KLKB1: variants seen among roughly 807,000 people sequenced by gnomAD.
The protein encoded by KLKB1 is plasma kallikrein.
In KLKB1, 58 loss-of-function variants were observed where a neutral mutation model predicts 73.6. The observed-to-expected ratio is 0.79, with a 90% CI of 0.64 to 0.98. The LOEUF is 0.98. Ranked by LOEUF, KLKB1 falls within the 50% of genes least tolerant of loss-of-function variation. The pLI, the probability that KLKB1 is intolerant of heterozygous loss-of-function variation, is 0.00. For missense variants in KLKB1, 737 were observed against 763.8 expected (o/e 0.96, Z 0.41); for synonymous variants, 280 against 258.1 (o/e 1.08, Z -0.81).
At chr4:186,241,078 G>A (rs1738019803) in intron 6 of KLKB1, among the ~76,000 whole-genome samples, 1 of 152,120 alleles carries the variant, frequency 6.6e-6, no homozygotes, top group African/African-American at 2.4e-5. Flanking sequence ...AAATATGGCT[G>A]TTTCAGGTGG....
At chr4:186,215,163 A>G (rs1453263136) in intron 2 of KLKB1, among the ~76,000 whole-genome samples, 1 of 152,026 alleles carries the variant, frequency 6.6e-6, no homozygotes, top group Non-Finnish European at 1.5e-5. Flanking sequence ...ATATTTAGAC[A>G]TGACTGTCTT....
At position 186,258,286 on chromosome 4, in the gene KLKB1, T is replaced by G; in HGVS notation, c.*74T>G. On this transcript the variant is annotated 3_prime_UTR_variant, in exon 15 of 15. Transcript: ENST00000264690. The stretch of plus-strand genomic sequence containing the variant: ...ATTCTGAGCCTGGGGGGTCCTCATC[T>G]GCAAAGCATGGAGAGTGGCATCTTC... 8.1e-7 allele frequency: 1 copy of G among 1,237,924 alleles called. No homozygotes were observed. Among genetic ancestry groups the G allele is most frequent in the South Asian group, 1.3e-5 (1 of 78,622 alleles). 76.7% of individuals were successfully genotyped at this position (1,237,924 alleles called of 1,614,324 possible). A position where few individuals can be genotyped will look rare whatever the true frequency, so the allele number is the denominator to read the frequency against.
At chr4:186,238,104 G>A in intron 5 of KLKB1, 152 bp from the exon 6 acceptor site, 2 of 670,752 alleles carry the variant, frequency 3.0e-6, no homozygotes, top group South Asian at 3.2e-5. Flanking sequence ...CGAGGGGAAG[G>A]ATGTCCATTA....
At chr4:186,231,173 A>T (rs4241816) in intron 2 of KLKB1, among the ~76,000 whole-genome samples, 85,217 of 151,950 alleles carry the variant, frequency 0.56, 24,265 homozygotes, top group East Asian at 0.68. Context: ...GCAATAAAAA[A>T]TAGGTACTAT....
chr4:186,218,217 C>G (rs115225245), intron 2 of KLKB1, among the ~76,000 whole-genome samples: 112 of 152,350 alleles, frequency 7.4e-4, no homozygotes, highest in African/African-American at 2.7e-3. Context: ...CCAGTCCCTT[C>G]CAAATCTAAG....
At chr4:186,240,373 T>C (rs1737964031) in intron 6 of KLKB1, among the ~76,000 whole-genome samples, 1 of 152,068 alleles carries the variant, frequency 6.6e-6, no homozygotes, top group Non-Finnish European at 1.5e-5. Context: ...GACAGTGATA[T>C]TGTTATAGTT....
chr4:186,233,925 TC>T (rs1260196562), intron 3 of KLKB1, 26 bp from the exon 4 acceptor site: 1 of 1,485,044 alleles, frequency 6.7e-7, no homozygotes, highest in African/African-American at 1.4e-5. Context: ...TTATTCTACT[TC>T]CTAAGTAAAG....
rs200357845 is a variant in KLKB1 at position 186,252,647 on chromosome 4, G to GCCACCAATCCCA, written c.1313+480_1313+491dup. Among the ~76,000 whole-genome samples the GCCACCAATCCCA allele has an allele frequency of 2.7e-3, 24 of 8,980 alleles. 2 individuals carry two copies. Among genetic ancestry groups the GCCACCAATCCCA allele is most frequent in the African/African-American group, 4.6e-3 (12 of 2,612 alleles). 5.9% of individuals were successfully genotyped at this position (8,980 alleles called of 152,430 possible). A position where few individuals can be genotyped will look rare whatever the true frequency, so the allele number is the denominator to read the frequency against. On this transcript the variant is annotated intron_variant, in intron 11 of 14. Coordinates refer to ENST00000264690, the MANE Select transcript of KLKB1 (RefSeq NM_000892.5). ...CACGACCAATCCCACCACCGATCCC[G>GCCACCAATCCCA]CCACCAATCCCACCACCAATCCCAC...
Position 186,258,245 on chromosome 4 carries a change from C to T in KLKB1, c.*33C>T, listed in dbSNP as rs1038118530. 3.1e-6 allele frequency: 5 copies of T among 1,590,356 alleles called. No homozygotes were observed. Among genetic ancestry groups the T allele is most frequent in the East Asian group, 4.5e-5 (2 of 44,340 alleles). The stretch of plus-strand genomic sequence containing the variant: ...TCCAGAGTCTAGGCAATTTTTACAA[C>T]CTGAGTTCAAGTCAAATTCTGAGCC... On this transcript the variant is annotated 3_prime_UTR_variant, in exon 15 of 15. Coordinates refer to ENST00000264690, the MANE Select transcript of KLKB1 (RefSeq NM_000892.5).
chr4:186,224,797 G>T (rs1409840039), upstream of KLKB1, among the ~76,000 whole-genome samples: 1 of 152,176 alleles, frequency 6.6e-6, no homozygotes, highest in Non-Finnish European at 1.5e-5. Flanking sequence ...ATCTGAAAAG[G>T]ACATGAGATT....
chr4:186,236,978 G>T (rs1334078405), intron 5 of KLKB1, 38 bp downstream of exon 5: 7 of 1,605,520 alleles, frequency 4.4e-6, no homozygotes, highest in Non-Finnish European at 6.0e-6. Context: ...TTGTATTGGT[G>T]CCTCCAGGAT....
intron 6 of KLKB1, among the ~76,000 whole-genome samples, chr4:186,244,728 G>T (rs1432890959): frequency 6.6e-6 from 1 of 152,206 alleles, no homozygotes; most frequent in Admixed American, 6.5e-5. Context: ...AACCTGTAAG[G>T]CTTGTCCGGT....
intron 11 of KLKB1, among the ~76,000 whole-genome samples, chr4:186,253,220 G>A (rs781772214): frequency 1.3e-5 from 2 of 152,146 alleles, no homozygotes; most frequent in Non-Finnish European, 2.9e-5. Context: ...AATGGACAAA[G>A]CATATAAAAA....
chr4:186,239,907 T>C (rs71640035), intron 6 of KLKB1, among the ~76,000 whole-genome samples: 18 of 118,366 alleles, frequency 1.5e-4, no homozygotes, highest in African/African-American at 4.3e-4. Context: ...GATACTGTTA[T>C]AGTTATAGGT....
Position 186,256,040 on chromosome 4 carries a change from T to G in KLKB1, c.1538T>G (p.Ile513Ser), listed in dbSNP as rs1340254165. The change falls in exon 13 of 15, where the codon ATT becomes AGT. Residue 513 changes from isoleucine to serine, a missense_variant. By Grantham distance (142) the Ile-to-Ser change is moderately radical. Coordinates refer to ENST00000264690, the MANE Select transcript of KLKB1 (RefSeq NM_000892.5). Reference sequence around the variant, plus strand: ...CCTTCCAAAGGTGACACAAGCACAATTTATACCAACTGTTGGGTAACCGGA... The same window carrying G: ...CCTTCCAAAGGTGACACAAGCACAAGTTATACCAACTGTTGGGTAACCGGA... ...CLPSKGDTSTIYTNCWVTGWG... is the reference protein window; with the variant it reads ...CLPSKGDTSTSYTNCWVTGWG... 6.2e-7 allele frequency: 1 copy of G among 1,613,320 alleles called. No individual in the cohort carries two copies. Among genetic ancestry groups the G allele is most frequent in the African/African-American group, 1.3e-5 (1 of 75,020 alleles).
intron 6 of KLKB1, among the ~76,000 whole-genome samples, chr4:186,243,192 G>A (rs961468587): frequency 8.2e-6 from 1 of 122,024 alleles, no homozygotes; most frequent in Admixed American, 8.2e-5. Context: ...GAGGAGGAGT[G>A]GAGTAGCAGA....
rs1738892893 is a variant in KLKB1, at chr4:186,254,735, A to G, written c.1461A>G (p.Ile487Met). 1 of 1,613,570 alleles carries G rather than the reference A, an allele frequency of 6.2e-7. No homozygotes were observed. The highest frequency in any genetic ancestry group is 1.3e-5 in the African/African-American group (1 of 74,932). The change falls in exon 12 of 15, where the codon ATA (isoleucine) becomes ATG (methionine). Residue 487 changes from isoleucine to methionine, a missense_variant. Coordinates refer to ENST00000264690, the MANE Select transcript of KLKB1 (RefSeq NM_000892.5). Reference sequence around the variant, plus strand: ...AAGGGAATCATGATATCGCCTTGATAAAACTCCAGGCTCCTTTGAATTACA... The same window carrying G: ...AAGGGAATCATGATATCGCCTTGATGAAACTCCAGGCTCCTTTGAATTACA... ...VSEGNHDIALIKLQAPLNYTE... is the reference protein window; with the variant it reads ...VSEGNHDIALMKLQAPLNYTE...
chr4:186,229,077 C>T (rs556545696), intron 2 of KLKB1: 1 of 152,264 alleles, frequency 6.6e-6, no homozygotes, highest in African/African-American at 2.4e-5. Context: ...TGTGTCTGTC[C>T]CTCAACCCTG....
chr4:186,241,876 C>T (rs1738068951), intron 6 of KLKB1, among the ~76,000 whole-genome samples: 1 of 151,906 alleles, frequency 6.6e-6, no homozygotes, highest in Non-Finnish European at 1.5e-5. Flanking sequence ...AAATAGTGCC[C>T]AACATATTAG....
Sources: allele counts gnomAD v4.1 joint callset (sites outside exome capture counted in the v4.1 genomes callset), GRCh38; gene constraint gnomAD v4.1.1; transcripts MANE v1.5; gene names NCBI Gene and HGNC (gene_info 2026-07-23, HGNC 2026-07-21).